USH2A: variants seen among roughly 807,000 people sequenced by gnomAD.
The protein encoded by USH2A is usherin.
In USH2A, 443 loss-of-function variants were observed where a neutral mutation model predicts 538.9. The observed-to-expected ratio is 0.82, with a 90% CI of 0.76 to 0.89. The LOEUF (loss-of-function observed/expected upper bound fraction) is 0.89. Among genes scored for constraint, USH2A ranks in the 40% least tolerant of loss-of-function variants. The probability of loss-of-function intolerance (pLI) is 0.00; values close to 1 mark genes in which losing one functional copy is unlikely to be tolerated. For synonymous variants in USH2A, 2,413 were observed against 2,273.5 expected, an observed-to-expected ratio of 1.06 and a Z score of -1.75; for missense variants, 6,633 against 6,324.8, an observed-to-expected ratio of 1.05 and a Z score of -1.65.
intron 70 of USH2A, chr1:215,629,916 C>T (rs953500088): frequency 3.4e-5 from 11 of 322,570 alleles, no homozygotes; most frequent in Admixed American, 8.5e-5. Context: ...GCTGGGACTA[C>T]AGGCGCCCGC....
chr1:215,715,146 C>A (rs116373358), intron 61 of USH2A, among the ~76,000 whole-genome samples: 1 of 152,166 alleles, frequency 6.6e-6, no homozygotes, highest in African/African-American at 2.4e-5. Context: ...CCTCCCCTCA[C>A]CCCCCTAATA....
chr1:216,418,848 T>C (rs886325848), intron 2 of USH2A, among the ~76,000 whole-genome samples, 169 bp from the exon 3 acceptor site: 1 of 152,148 alleles, frequency 6.6e-6, no homozygotes, highest in Non-Finnish European at 1.5e-5. Flanking sequence ...TTTATTCCAA[T>C]GAAGAAGCCC....
In USH2A at chr1:215,782,105, T is replaced by C. The variant is rs982936608; in HGVS notation, c.10677A>G (p.Pro3559=). 4 of 1,613,906 alleles carry C rather than the reference T, an allele frequency of 2.5e-6. No individual in the cohort carries two copies. The African/African-American group carries it at 5.3e-5, about 22-fold the overall frequency. Reference sequence around the variant, plus strand: ...TCAGCTGATATGAATATTCCTGAAATGGTTGAATTCCCTCTTTATCAGAGA... The same window carrying C: ...TCAGCTGATATGAATATTCCTGAAACGGTTGAATTCCCTCTTTATCAGAGA... ...LSFSDKEGIQ[P]FQEYSYQLKA... The change falls in exon 54 of 72, where the codon CCA becomes CCG. Residue 3559 remains proline (P), a synonymous_variant. Transcript: ENST00000307340.
chr1:216,215,770 G>A (rs2035331411), intron 15 of USH2A, among the ~76,000 whole-genome samples: 1 of 152,060 alleles, frequency 6.6e-6, no homozygotes, highest in Non-Finnish European at 1.5e-5. Context: ...AATATGTCCA[G>A]GGAAGAATCA....
chr1:215,837,656 T>C (rs995318096), intron 47 of USH2A, among the ~76,000 whole-genome samples: 1 of 152,170 alleles, frequency 6.6e-6, no homozygotes, highest in African/African-American at 2.4e-5. Flanking sequence ...AAGATTAAGT[T>C]AGAAGGTAGT....
rs932406610 is a variant in USH2A, at chr1:216,072,978, G to A, written c.5777-9C>T. ...CACTCGATACAGGTATTCTTAAATGGAAATAAGATGCAGCAAGATTAAAAT... is the reference window on the plus strand; with the variant it reads ...CACTCGATACAGGTATTCTTAAATGAAAATAAGATGCAGCAAGATTAAAAT... On this transcript the variant is annotated splice_polypyrimidine_tract_variant and intron_variant, in intron 28 of 71. Coordinates refer to ENST00000307340, the MANE Select transcript of USH2A (RefSeq NM_206933.4). 8 of 1,613,684 alleles carry A rather than the reference G, an allele frequency of 5.0e-6. No homozygotes were observed. In the African/African-American group the frequency reaches 1.1e-4, roughly 22 times the overall value.
intron 3 of USH2A, among the ~76,000 whole-genome samples, chr1:216,395,142 T>C (rs1481485128): frequency 2.0e-5 from 3 of 152,204 alleles, no homozygotes; most frequent in African/African-American, 4.8e-5. Flanking sequence ...TAAAATCTTT[T>C]TCTTTTCATG....
At chr1:215,830,266 T>C (rs12097404) in intron 47 of USH2A, among the ~76,000 whole-genome samples, 2,186 of 152,182 alleles carry the variant, frequency 0.014, 60 homozygotes, top group African/African-American at 0.05. Context: ...AAAACCCCCA[T>C]TTTTGTTTTG....
chr1:215,726,959 T>A (rs1478825032), intron 61 of USH2A, among the ~76,000 whole-genome samples: 1 of 152,184 alleles, frequency 6.6e-6, no homozygotes, highest in Non-Finnish European at 1.5e-5. Flanking sequence ...TCTGCAATAT[T>A]ATAAAACGGA....
chr1:216,115,994 C>T (rs1189700885), intron 21 of USH2A, among the ~76,000 whole-genome samples: 1 of 151,260 alleles, frequency 6.6e-6, no homozygotes, highest in Non-Finnish European at 1.5e-5. Context: ...GCAAATAAAG[C>T]ATTTAAGCTT....
chr1:216,015,973 GA>G (rs1668700504), intron 32 of USH2A, among the ~76,000 whole-genome samples: 1 of 152,162 alleles, frequency 6.6e-6, no homozygotes, highest in Admixed American at 6.5e-5. Flanking sequence ...ACTGGATTAA[GA>G]AAATTTGGTA....
chr1:215,677,520 T>C (rs573394825), intron 62 of USH2A, among the ~76,000 whole-genome samples: 1 of 152,218 alleles, frequency 6.6e-6, no homozygotes, highest in East Asian at 1.9e-4. Context: ...GCCAACCAGG[T>C]TTCCCATTCT....
At chr1:216,073,362 T>A in intron 27 of USH2A, 62 bp from the exon 28 acceptor site, 1 of 1,559,866 alleles carries the variant, frequency 6.4e-7, no homozygotes, top group Non-Finnish European at 8.8e-7. Context: ...ACCAATCATT[T>A]TTGTCCTCTG....
chr1:215,679,685 G>A (rs992074619), intron 62 of USH2A, among the ~76,000 whole-genome samples: 126 of 152,358 alleles, frequency 8.3e-4, no homozygotes, highest in African/African-American at 2.9e-3. Context: ...GCAGACACCT[G>A]TGGCTTGCTT....
At chr1:216,259,054 T>C (rs1282478897) in intron 11 of USH2A, among the ~76,000 whole-genome samples, 3 of 152,066 alleles carry the variant, frequency 2.0e-5, no homozygotes, top group African/African-American at 7.2e-5. Context: ...TGGAAAACCA[T>C]GGATCAAAAA....
At position 215,628,943 on chromosome 1, in the gene USH2A, GTT is replaced by G. The variant is rs1656161931; in HGVS notation, c.15388_15389del (p.Asn5130ProfsTer47). ...CCTGGGAGTAGGTTAGGCTGGTTTG[GTT>G]TTGACTCGGGATGCGCAGGACACAT... ...SACVLRIPSQ[N>X]QTSLTYSQGS... On this transcript the variant is annotated frameshift_variant, in exon 71 of 72. Transcript: ENST00000307340. LOFTEE classifies it high-confidence loss of function. 1 of 1,614,022 alleles carries G rather than the reference GTT, an allele frequency of 6.2e-7. No individual in the cohort carries two copies. Among genetic ancestry groups the G allele is most frequent in the South Asian group, 1.1e-5 (1 of 91,090 alleles).
intron 20 of USH2A, among the ~76,000 whole-genome samples, chr1:216,187,261 C>T (rs79286461): frequency 6.6e-6 from 1 of 151,860 alleles, no homozygotes; most frequent in African/African-American, 2.4e-5. Flanking sequence ...TGGTGTTAAT[C>T]CTACCTGTTG....
At chr1:216,176,659 C>T (rs926851344) in intron 20 of USH2A, among the ~76,000 whole-genome samples, 2 of 152,068 alleles carry the variant, frequency 1.3e-5, no homozygotes, top group African/African-American at 4.8e-5. Flanking sequence ...CATCATTATG[C>T]TATTACACAG....
At chr1:216,391,697 G>A (rs1229745051) in intron 3 of USH2A, among the ~76,000 whole-genome samples, 2 of 152,172 alleles carry the variant, frequency 1.3e-5, no homozygotes, top group African/African-American at 4.8e-5. Context: ...CATGTATTGA[G>A]TTTGCATAAA....
Sources: gnomAD v4.1 joint callset for allele counts (sites outside exome capture counted in the v4.1 genomes callset) on GRCh38, gnomAD v4.1.1 for gene constraint, MANE v1.5 for transcripts, NCBI Gene and HGNC (gene_info 2026-07-23, HGNC 2026-07-21) for gene names.